FOXP2: variants seen among roughly 807,000 people sequenced by gnomAD.
FOXP2 encodes forkhead box protein P2.
FOXP2 carries 12 observed loss-of-function variants against 115.8 expected under a neutral mutation model. That is an observed-to-expected ratio of 0.10 (90% CI 0.07 to 0.17). FOXP2 has a LOEUF of 0.17. Ranked by LOEUF, FOXP2 falls within the 10% of genes least tolerant of loss-of-function variation. The pLI is 1.00. For missense variants in FOXP2, 629 were observed against 843.5 expected, an observed-to-expected ratio of 0.75 and a Z score of 3.15; for synonymous variants, 328 against 297.7, an observed-to-expected ratio of 1.10 and a Z score of -1.05.
chr7:114,616,145 GT>G (rs1803937555), intron 3 of FOXP2, among the ~76,000 whole-genome samples: 1 of 151,332 alleles, frequency 6.6e-6, no homozygotes, highest in Non-Finnish European at 1.5e-5. Context: ...CAGGTGAGTT[GT>G]TTTATGTTTT....
chr7:114,556,848 G>A (rs1051985839), intron 3 of FOXP2, among the ~76,000 whole-genome samples: 1 of 152,024 alleles, frequency 6.6e-6, no homozygotes, highest in African/African-American at 2.4e-5. Context: ...ATCTCTATAA[G>A]AATATCAGAT....
chr7:114,272,359 C>A lies in FOXP2; in HGVS notation c.-101-15660C>A, dbSNP rs543625552. On this transcript the variant is annotated intron_variant, in intron 1 of 17. Coordinates refer to the FOXP2 transcript ENST00000634411. Reference sequence around the variant, plus strand: ...CTGTAGATTTCTTTTCTTGTAATATCTTTGGTTTTGGTATTAGGGTAATGC... The same window carrying A: ...CTGTAGATTTCTTTTCTTGTAATATATTTGGTTTTGGTATTAGGGTAATGC... Among the ~76,000 whole-genome samples, 14 of 151,654 alleles carry A rather than the reference C, an allele frequency of 9.2e-5. No individual in the cohort carries two copies. The East Asian group carries it at 2.7e-3, about 29-fold the overall frequency.
intron 3 of FOXP2, chr7:114,538,464 T>G: frequency 1.3e-6 from 1 of 754,836 alleles, no homozygotes; most frequent in East Asian, 6.5e-5. Context: ...GGTTAATATA[T>G]AATATAAAGT....
intron 2 of FOXP2, among the ~76,000 whole-genome samples, chr7:114,453,281 G>T (rs1795145778): frequency 6.6e-6 from 1 of 152,072 alleles, no homozygotes; most frequent in Non-Finnish European, 1.5e-5. Flanking sequence ...GAGAACCAGG[G>T]TCCCTTACGT....
chr7:114,658,860 ATCACAG>A, intron 11 of FOXP2, among the ~76,000 whole-genome samples: 1 of 152,194 alleles, frequency 6.6e-6, no homozygotes, highest in African/African-American at 2.4e-5. Context: ...CATCTGGATA[ATCACAG>A]TCACACATTG....
chr7:114,268,333 T>C (rs1795949493), intron 1 of FOXP2, among the ~76,000 whole-genome samples: 1 of 152,208 alleles, frequency 6.6e-6, no homozygotes, highest in Non-Finnish European at 1.5e-5. Context: ...AGTCATAATG[T>C]GATTATGAGT....
intron 2 of FOXP2, among the ~76,000 whole-genome samples, chr7:114,447,524 C>T (rs976984873): frequency 1.3e-5 from 2 of 152,084 alleles, no homozygotes; most frequent in Non-Finnish European, 1.5e-5. Flanking sequence ...TTCTGCAATT[C>T]CAGTTAGCCA....
intron 1 of FOXP2, among the ~76,000 whole-genome samples, chr7:114,137,235 A>G (rs1792065527): frequency 6.6e-6 from 1 of 152,118 alleles, no homozygotes; most frequent in South Asian, 2.1e-4. Context: ...AGAGAGAATA[A>G]TATAGTTGAA....
intron 3 of FOXP2, among the ~76,000 whole-genome samples, chr7:114,574,769 G>C (rs952800527): frequency 5.3e-5 from 8 of 151,870 alleles, no homozygotes; most frequent in African/African-American, 1.7e-4. Flanking sequence ...GGAATGCTTA[G>C]GGTCTTTGTC....
At chr7:114,168,831 A>C (rs1265435284) in intron 1 of FOXP2, among the ~76,000 whole-genome samples, 1 of 152,168 alleles carries the variant, frequency 6.6e-6, no homozygotes, top group Non-Finnish European at 1.5e-5. Flanking sequence ...CAGGGTCCCC[A>C]TGCTGGGTGT....
chr7:114,429,885 A>C lies in FOXP2; in HGVS notation c.168+3206A>C, dbSNP rs545095726. Reference sequence around the variant, plus strand: ...AGCGACATTTGTGTCTTAAAAGCATATGACATTTAATAAATAACACCATTA... The same window carrying C: ...AGCGACATTTGTGTCTTAAAAGCATCTGACATTTAATAAATAACACCATTA... On this transcript the variant is annotated intron_variant, in intron 2 of 16. Transcript: ENST00000350908. Among the ~76,000 whole-genome samples, 465 of 151,826 alleles carry C rather than the reference A, an allele frequency of 3.1e-3. 3 individuals carry two copies. Among genetic ancestry groups the C allele is most frequent in the African/African-American group, 0.011 (453 of 41,530 alleles).
chr7:114,512,968 G>A (rs1473892659), intron 2 of FOXP2, among the ~76,000 whole-genome samples: 1 of 152,074 alleles, frequency 6.6e-6, no homozygotes, highest in East Asian at 1.9e-4. Flanking sequence ...TGTAGTCCCA[G>A]CTAGTCTGGA....
At chr7:114,203,963 G>T (rs919744931) in intron 1 of FOXP2, among the ~76,000 whole-genome samples, 1 of 152,000 alleles carries the variant, frequency 6.6e-6, no homozygotes, top group African/African-American at 2.4e-5. Context: ...ATTGTAAATA[G>T]TTCTTTATAT....
intron 16 of FOXP2, 106 bp from the exon 17 acceptor site, chr7:114,689,676 G>A (rs916469693): frequency 1.8e-6 from 2 of 1,096,324 alleles, no homozygotes; most frequent in African/African-American, 3.1e-5. Flanking sequence ...GAAAGACAAT[G>A]TTGTGTCTTC....
intron 3 of FOXP2, among the ~76,000 whole-genome samples, chr7:114,591,600 T>C (rs953552306): frequency 6.6e-6 from 1 of 152,012 alleles, no homozygotes; most frequent in Admixed American, 6.6e-5. Flanking sequence ...CATGGGTCTG[T>C]CATGTGCTAT....
intron 1 of FOXP2, among the ~76,000 whole-genome samples, chr7:114,167,885 G>A (rs374576992): frequency 2.5e-4 from 36 of 146,354 alleles, no homozygotes; most frequent in South Asian, 4.4e-4. Context: ...GCAGTGAGCC[G>A]AGATTACACC....
At chr7:114,300,937 C>A (rs924012192) in intron 2 of FOXP2, among the ~76,000 whole-genome samples, 4 of 151,932 alleles carry the variant, frequency 2.6e-5, no homozygotes, top group African/African-American at 9.7e-5. Flanking sequence ...CCCCATGAGA[C>A]AATGAGATAC....
In FOXP2 at chr7:114,642,470, T is replaced by C; in HGVS notation, c.836T>C (p.Met279Thr). The C allele has an allele frequency of 6.2e-7, 1 of 1,613,868 alleles. No homozygotes were observed. Among genetic ancestry groups the C allele is most frequent in the South Asian group, 1.1e-5 (1 of 91,084 alleles). ...AAAGAAGTGACTGGAGTTCACAGTA[T>C]GGAAGACAATGGCATTAAACATGGA... Reference protein sequence around the residue: ...LWKEVTGVHSMEDNGIKHGGL... With the variant: ...LWKEVTGVHSTEDNGIKHGGL... Residue 279 changes from methionine (M) to threonine (T), a missense_variant, in exon 7 of 17, where the codon ATG (methionine) becomes ACG (threonine). By Grantham distance (81) the Met-to-Thr change is moderately conservative. This residue lies in a region of FOXP2 where 92 missense variants were observed against 80.1 expected (regional missense o/e 1.15). Transcript: ENST00000350908.
rs1383851461 is a variant in FOXP2 at position 114,587,684 on chromosome 7, G to A, written c.259-40856G>A. Among the ~76,000 whole-genome samples, 10 of 151,330 alleles carry A rather than the reference G, an allele frequency of 6.6e-5. No homozygotes were observed. In the South Asian group the frequency reaches 1.9e-3, roughly 28 times the overall value. On this transcript the variant is annotated intron_variant, in intron 3 of 16. Transcript: ENST00000350908. Reference sequence around the variant, plus strand: ...GAAAACTGTGACTAATTCATTTTAGGTTATTCCAATTCATATTGTCAGTAT... The same window carrying A: ...GAAAACTGTGACTAATTCATTTTAGATTATTCCAATTCATATTGTCAGTAT...
Sources: gnomAD v4.1 joint callset for allele counts (sites outside exome capture counted in the v4.1 genomes callset) on GRCh38, gnomAD v4.1.1 for gene constraint, gnomAD v4.1.1 regional missense constraint, MANE v1.5 for transcripts, NCBI Gene and HGNC (gene_info 2026-07-23, HGNC 2026-07-21) for gene names.